FYCO1: variants seen among roughly 807,000 people sequenced by gnomAD.
The protein encoded by FYCO1 is FYVE and coiled-coil domain-containing protein 1.
A neutral mutation model predicts 165.1 loss-of-function variants in FYCO1; 122 were observed. That is an observed-to-expected ratio of 0.74 (90% CI 0.64 to 0.86). The LOEUF is 0.86. FYCO1 is among the 40% of genes least tolerant of loss of function. The pLI, the probability that FYCO1 is intolerant of heterozygous loss-of-function variation, is 0.00. For missense variants in FYCO1, 1,702 were observed against 1,810.3 expected, an observed-to-expected ratio of 0.94 and a Z score of 1.09; for synonymous variants, 648 against 742.5, an observed-to-expected ratio of 0.87 and a Z score of 2.07.
intron 16 of FYCO1, among the ~76,000 whole-genome samples, chr3:45,928,316 AC>A: frequency 6.6e-6 from 1 of 152,254 alleles, no homozygotes; most frequent in South Asian, 2.1e-4. Flanking sequence ...TCTGAAGCCC[AC>A]CCCAACAGGC....
chr3:45,946,527 A>C, intron 14 of FYCO1: 1 of 1,614,184 alleles, frequency 6.2e-7, no homozygotes, highest in Non-Finnish European at 8.5e-7. Flanking sequence ...CAGCAGTTTC[A>C]ATGACAGCAG....
chr3:45,955,735 C>T (rs887226590), intron 13 of FYCO1, among the ~76,000 whole-genome samples: 2 of 152,210 alleles, frequency 1.3e-5, no homozygotes, highest in Non-Finnish European at 2.9e-5. Context: ...AACCTAATAA[C>T]AGAAAACACA....
Position 45,962,410 on chromosome 3 carries a change from AG to A in FYCO1, c.3270-19del, listed in dbSNP as rs765601605. On this transcript the variant is annotated intron_variant, in intron 10 of 17. Coordinates refer to ENST00000296137, the MANE Select transcript of FYCO1 (RefSeq NM_024513.4). This position sits in a 1 kb window ranked among gnomAD's most constrained non-coding sequence, Gnocchi z 4.4. ...TCTGGGTCCTGGGGGAGGAGTGGTAAGTTTTCTTGATTAGCCAGGACTTCCA... is the reference window on the plus strand; with the variant it reads ...TCTGGGTCCTGGGGGAGGAGTGGTAATTTTCTTGATTAGCCAGGACTTCCA... 6.2e-6 allele frequency: 10 copies of A among 1,613,242 alleles called. No individual in the cohort carries two copies. In the African/African-American group the frequency reaches 1.2e-4, roughly 19 times the overall value.
rs544331250 is a variant in FYCO1, at chr3:45,969,746, A to G, written c.559T>C (p.Ser187Pro). The G allele has an allele frequency of 2.6e-5, 42 of 1,613,988 alleles. No homozygotes were observed. In the Admixed American group the frequency reaches 3.8e-4, roughly 15 times the overall value. The change falls in exon 7 of 18, where the codon TCT (serine) becomes CCT (proline). Residue 187 changes from serine (S) to proline (P), a missense_variant. Coordinates refer to ENST00000296137, the MANE Select transcript of FYCO1 (RefSeq NM_024513.4). ...GGGGGTTTCCACAGGTAAGCAGAAG[A>G]GCCAGTGGTCAGCGTCCTCCTGTGG... ...TFARRTLTTG[S>P]SAYLWKPPSR... is the part of the protein sequence containing the mutation.
intron 14 of FYCO1, chr3:45,947,440 C>A: frequency 6.2e-7 from 1 of 1,614,198 alleles, no homozygotes; most frequent in Non-Finnish European, 8.5e-7. Context: ...CAATGGAAAT[C>A]TTCTGAGGAC....
intron 16 of FYCO1, among the ~76,000 whole-genome samples, chr3:45,925,358 C>T (rs1296198572): frequency 6.6e-6 from 1 of 152,002 alleles, no homozygotes; most frequent in Non-Finnish European, 1.5e-5. Flanking sequence ...CTACAGACAA[C>T]GGAAGCAGCA....
At position 45,966,325 on chromosome 3, in the gene FYCO1, G is replaced by A. The variant is rs1706009681; in HGVS notation, c.3009C>T (p.Leu1003=). Reference sequence around the variant, plus strand: ...TGATTTCAGCACTCAGCTGGAACTTGAGGGTGTTGAGCTCCTGGTGTGCAG... The same window carrying A: ...TGATTTCAGCACTCAGCTGGAACTTAAGGGTGTTGAGCTCCTGGTGTGCAG... ...QEAAHQELNT[L]KFQLSAEIMD... Residue 1003 remains leucine, a synonymous_variant, in exon 8 of 18, where the codon CTC becomes CTT. Coordinates refer to ENST00000296137, the MANE Select transcript of FYCO1 (RefSeq NM_024513.4). The A allele has an allele frequency of 6.8e-6, 11 of 1,614,106 alleles. No individual in the cohort carries two copies. The highest frequency in any genetic ancestry group is 1.3e-5 in the African/African-American group (1 of 74,954).
At chr3:45,959,287 T>C in intron 12 of FYCO1, 106 bp downstream of exon 12, 1 of 1,244,914 alleles carries the variant, frequency 8.0e-7, no homozygotes, top group Non-Finnish European at 1.2e-6. Context: ...TCCTAAATAG[T>C]CAGCCATGGT....
chr3:45,956,083 C>G (rs898557947), intron 13 of FYCO1, among the ~76,000 whole-genome samples: 1 of 152,136 alleles, frequency 6.6e-6, no homozygotes, highest in Non-Finnish European at 1.5e-5. Context: ...TGCCTATAAT[C>G]CCAGCACTTT....
chr3:45,964,039 C>T lies in FYCO1; in HGVS notation c.3269+297G>A, dbSNP rs1240552386. On this transcript the variant is annotated intron_variant, in intron 10 of 17. Transcript: ENST00000296137. The surrounding 1 kb of genome is among the most constrained non-coding windows in gnomAD (Gnocchi z 4.1). The stretch of plus-strand genomic sequence containing the variant: ...CTACTATTACCATTATTATTATGAT[C>T]TAACTTTTATTTCATTTTAGTTTTT... Among the ~76,000 whole-genome samples, 1 of 152,188 alleles carries T rather than the reference C, an allele frequency of 6.6e-6. No individual in the cohort carries two copies. The highest frequency in any genetic ancestry group is 1.5e-5 in the Non-Finnish European group (1 of 68,040).
rs778597920 is a variant in FYCO1 at position 45,966,763 on chromosome 3, C to CCT, written c.2570_2571insAG (p.Glu858GlyfsTer59). On this transcript the variant is annotated frameshift_variant, in exon 8 of 18. Transcript: ENST00000296137. LOFTEE classifies it high-confidence loss of function. ...TCTGCTGGGCCTCATCGGCCCTCTCCTCCTGCAGTGCCCCTTCACGCTCCG... is the reference window on the plus strand; with the variant it reads ...TCTGCTGGGCCTCATCGGCCCTCTCCCTTCCTGCAGTGCCCCTTCACGCTCCG... 1 of 1,610,502 alleles carries CCT rather than the reference C, an allele frequency of 6.2e-7. No individual in the cohort carries two copies. Among genetic ancestry groups the CCT allele is most frequent in the Non-Finnish European group, 8.5e-7 (1 of 1,180,000 alleles).
Position 45,979,778 on chromosome 3 carries a change from T to C in FYCO1, c.215A>G (p.Asp72Gly), listed in dbSNP as rs1220321784. Residue 72 changes from aspartate to glycine, a missense_variant, in exon 4 of 18, where the codon GAT becomes GGT. By Grantham distance (94) the Asp-to-Gly change is moderately conservative. Transcript: ENST00000296137. ...TLLGNKKDYW[D>G]YFCACLAKVK... ...CTTGGCCAGGCAGGCACAGAAGTAATCCCAGTAGTCCTTCTTGTTGCCCAG... is the reference window on the plus strand; with the variant it reads ...CTTGGCCAGGCAGGCACAGAAGTAACCCCAGTAGTCCTTCTTGTTGCCCAG... 6.2e-7 allele frequency: 1 copy of C among 1,614,086 alleles called. No homozygotes were observed. Among genetic ancestry groups the C allele is most frequent in the Admixed American group, 1.7e-5 (1 of 60,030 alleles).
rs1219460412 is a variant in FYCO1 at position 45,962,395 on chromosome 3, G to C, written c.3270-3C>G. 2 of 1,613,908 alleles carry C rather than the reference G, an allele frequency of 1.2e-6. No homozygotes were observed. Among genetic ancestry groups the C allele is most frequent in the Non-Finnish European group, 1.7e-6 (2 of 1,179,828 alleles). Reference sequence around the variant, plus strand: ...CTTTTTCGAGTTCCTTCTGGGTCCTGGGGGAGGAGTGGTAAGTTTTCTTGA... The same window carrying C: ...CTTTTTCGAGTTCCTTCTGGGTCCTCGGGGAGGAGTGGTAAGTTTTCTTGA... On this transcript the variant is annotated splice_polypyrimidine_tract_variant and splice_region_variant and intron_variant, in intron 10 of 17. Transcript: ENST00000296137. This position sits in a 1 kb window ranked among gnomAD's most constrained non-coding sequence, Gnocchi z 4.4.
intron 14 of FYCO1, among the ~76,000 whole-genome samples, chr3:45,951,512 G>A (rs1705026227): frequency 6.6e-6 from 1 of 152,208 alleles, no homozygotes; most frequent in Non-Finnish European, 1.5e-5. Flanking sequence ...AAAGGCTGAG[G>A]GAGCCACAGC....
intron 11 of FYCO1, among the ~76,000 whole-genome samples, chr3:45,960,896 T>C (rs910868758): frequency 3.3e-5 from 5 of 152,154 alleles, no homozygotes; most frequent in East Asian, 1.9e-4. Flanking sequence ...CTCCCAGAAA[T>C]TCCAATTCGG....
In FYCO1 at chr3:45,921,463, C is replaced by T; in HGVS notation, c.*302G>A. The T allele has an allele frequency of 2.5e-6, 1 of 402,020 alleles. No homozygotes were observed. The highest frequency in any genetic ancestry group is 4.7e-6 in the Non-Finnish European group (1 of 211,060). The allele number at this position is 402,020 out of a possible 1,614,324, so 24.9% of individuals were successfully genotyped here. ...AGAGGCCTGTAGCCAACTGTGCTCC[C>T]AGGAGAGGCTGATGGTCTCCTGGGT... On this transcript the variant is annotated 3_prime_UTR_variant, in exon 18 of 18. Coordinates refer to ENST00000296137, the MANE Select transcript of FYCO1 (RefSeq NM_024513.4).
At chr3:45,956,774 T>A (rs1178083954) in intron 13 of FYCO1, among the ~76,000 whole-genome samples, 1 of 152,216 alleles carries the variant, frequency 6.6e-6, no homozygotes, top group Non-Finnish European at 1.5e-5. Flanking sequence ...GAAAGTTGTA[T>A]CATGTTCATG....
Position 45,964,622 on chromosome 3 carries a change from C to T in FYCO1, c.3151-168G>A. On this transcript the variant is annotated intron_variant, in intron 9 of 17. Transcript: ENST00000296137. The surrounding 1 kb of genome is among the most constrained non-coding windows in gnomAD (Gnocchi z 4.1). ...GAACCTCTGCTCTATATTTGTGGGG[C>T]CTCAACTGCAACTAGTTGTGGTGGT... The T allele has an allele frequency of 1.1e-6, 1 of 886,544 alleles. No homozygotes were observed. The highest frequency in any genetic ancestry group is 1.4e-6 in the Non-Finnish European group (1 of 739,666). The allele number at this position is 886,544 out of a possible 1,614,324, so 54.9% of individuals were successfully genotyped here. A position where few individuals can be genotyped will look rare whatever the true frequency, so the allele number is the denominator to read the frequency against.
At chr3:45,979,230 A>G (rs932679414) in intron 4 of FYCO1, among the ~76,000 whole-genome samples, 3 of 152,194 alleles carry the variant, frequency 2.0e-5, no homozygotes, top group African/African-American at 7.2e-5. Flanking sequence ...TTAAAGTAGA[A>G]AGTTGGCACA....
Sources: allele counts gnomAD v4.1 joint callset (sites outside exome capture counted in the v4.1 genomes callset), GRCh38; gene constraint gnomAD v4.1.1; non-coding constraint Gnocchi (gnomAD v3.1); transcripts MANE v1.5; gene names NCBI Gene and HGNC (gene_info 2026-07-23, HGNC 2026-07-21).